The following TRPM7 variants were observed in gnomAD, a reference collection of about 807,000 sequenced individuals.
TRPM7 encodes transient receptor potential cation channel subfamily M member 7, also known as LTRPC ion channel family member 7.
TRPM7 carries 134 observed loss-of-function variants against 229.7 expected under a neutral mutation model. That is an observed-to-expected ratio of 0.58 (90% CI 0.51 to 0.67). The LOEUF (loss-of-function observed/expected upper bound fraction) is 0.67. Ranked by LOEUF, TRPM7 falls within the 30% of genes least tolerant of loss-of-function variation. The pLI is 0.00. For synonymous variants in TRPM7, 699 were observed against 715.2 expected, an observed-to-expected ratio of 0.98 and a Z score of 0.36; for missense variants, 1,901 against 2,210.0, an observed-to-expected ratio of 0.86 and a Z score of 2.80.
chr15:50,571,522 TA>T (rs1201334833), intron 36 of TRPM7, among the ~76,000 whole-genome samples: 1 of 149,228 alleles, frequency 6.7e-6, no homozygotes, highest in East Asian at 2.0e-4. Flanking sequence ...CGCAGCTTAC[TA>T]AAGAAATAAC....
chr15:50,647,289 C>T (rs922066181), intron 4 of TRPM7, among the ~76,000 whole-genome samples: 4 of 152,080 alleles, frequency 2.6e-5, no homozygotes, highest in Non-Finnish European at 5.9e-5. Context: ...TGCCACCACG[C>T]CCGACTAATT....
intron 1 of TRPM7, among the ~76,000 whole-genome samples, chr15:50,678,873 CAA>C (rs60481552): frequency 6.7e-6 from 1 of 150,288 alleles, no homozygotes. Context: ...TTTGCAAAAA[CAA>C]AAAAAAAAAT....
chr15:50,565,344 C>G (rs963065187), intron 38 of TRPM7, among the ~76,000 whole-genome samples: 2 of 151,588 alleles, frequency 1.3e-5, no homozygotes, highest in Non-Finnish European at 1.5e-5. Flanking sequence ...TACAAGAAAC[C>G]CACCTTAAAT....
chr15:50,672,581 A>G (rs1286596173), intron 1 of TRPM7, among the ~76,000 whole-genome samples: 1 of 152,066 alleles, frequency 6.6e-6, no homozygotes. Flanking sequence ...TTTGAACAAA[A>G]AGTTTAAAAA....
At chr15:50,613,230 G>A (rs570986331) in intron 15 of TRPM7, among the ~76,000 whole-genome samples, 4 of 152,228 alleles carry the variant, frequency 2.6e-5, no homozygotes, top group South Asian at 2.1e-4. Context: ...TACGCTGGGC[G>A]CGGTGGCCCA....
chr15:50,656,122 T>C (rs1201065739), intron 3 of TRPM7, among the ~76,000 whole-genome samples: 1 of 152,004 alleles, frequency 6.6e-6, no homozygotes. Flanking sequence ...TAGACCAAAC[T>C]GAGAAAATTC....
chr15:50,677,502 A>G (rs566403804), intron 1 of TRPM7, among the ~76,000 whole-genome samples: 15 of 152,200 alleles, frequency 9.9e-5, no homozygotes, highest in African/African-American at 3.6e-4. Flanking sequence ...GCACTTTGGG[A>G]GGCCAAGGCA....
chr15:50,645,202 G>C (rs2061227633), intron 4 of TRPM7, among the ~76,000 whole-genome samples: 1 of 149,474 alleles, frequency 6.7e-6, no homozygotes, highest in African/African-American at 2.5e-5. Context: ...ACCCAGCATG[G>C]TTAATTTTTT....
chr15:50,624,514 T>G (rs1029078364), intron 11 of TRPM7, among the ~76,000 whole-genome samples: 1 of 152,148 alleles, frequency 6.6e-6, no homozygotes, highest in Middle Eastern at 3.2e-3. Context: ...TAAAGAATAT[T>G]CCACAAACAC....
chr15:50,580,852 TG>T, intron 30 of TRPM7, 21 bp downstream of exon 30: 2 of 1,579,168 alleles, frequency 1.3e-6, no homozygotes, highest in Admixed American at 4.0e-5. Context: ...CGCAAGCTAA[TG>T]GTAAGAAAAA....
At chr15:50,566,686 C>A (rs554007446) in intron 38 of TRPM7, among the ~76,000 whole-genome samples, 8 of 152,000 alleles carry the variant, frequency 5.3e-5, no homozygotes, top group African/African-American at 2.4e-5. Flanking sequence ...CAGAGTGAGA[C>A]TCCATCTCAA....
intron 38 of TRPM7, among the ~76,000 whole-genome samples, chr15:50,565,844 G>C (rs1038635690): frequency 6.8e-5 from 10 of 147,694 alleles, no homozygotes; most frequent in Non-Finnish European, 1.3e-4. Flanking sequence ...TTTTTTTTGA[G>C]ACGGAGTCTT....
chr15:50,639,366 A>G (rs930262077), intron 6 of TRPM7, 58 bp downstream of exon 6: 5 of 1,372,310 alleles, frequency 3.6e-6, no homozygotes, highest in African/African-American at 1.5e-5. Context: ...CACTATTCTT[A>G]CTATAATTTT....
At chr15:50,681,803 T>A (rs2062244139) in intron 1 of TRPM7, among the ~76,000 whole-genome samples, 1 of 152,200 alleles carries the variant, frequency 6.6e-6, no homozygotes, top group South Asian at 2.1e-4. Flanking sequence ...AAACAGTGTT[T>A]CACAGACTTT....
At chr15:50,585,343 G>A (rs1051350021) in intron 28 of TRPM7, among the ~76,000 whole-genome samples, 4 of 152,192 alleles carry the variant, frequency 2.6e-5, no homozygotes, top group African/African-American at 7.2e-5. Context: ...GATTACAGGC[G>A]TAAGCCACCT....
intron 1 of TRPM7, among the ~76,000 whole-genome samples, chr15:50,682,364 G>A (rs866645023): frequency 2.0e-4 from 30 of 151,752 alleles, no homozygotes; most frequent in Middle Eastern, 6.8e-3. Context: ...CAGAGCATGA[G>A]GTCAAGAGAT....
intron 2 of TRPM7, 56 bp downstream of exon 2, chr15:50,662,911 A>G: frequency 1.6e-6 from 2 of 1,251,872 alleles, no homozygotes; most frequent in East Asian, 4.7e-5. Context: ...AGAAATAACA[A>G]TATAATTTAC....
At chr15:50,635,691 A>AAAAAG (rs2060880789) in intron 7 of TRPM7, among the ~76,000 whole-genome samples, 2 of 68,830 alleles carry the variant, frequency 2.9e-5, no homozygotes, top group African/African-American at 6.5e-5. Flanking sequence ...AAAAAAAAAA[A>AAAAAG]GAGGACGGCT....
In TRPM7 at chr15:50,609,583, T is replaced by C. The variant is rs760411532; in HGVS notation, c.2578A>G (p.Thr860Ala). The change falls in exon 19 of 39, where the codon ACG (threonine) becomes GCG (alanine). Residue 860 changes from threonine (T) to alanine (A), a missense_variant and splice_region_variant. Transcript: ENST00000646667. ...HAPIVKFWFN[T>A]LAYLGFLMLY... Reference sequence around the variant, plus strand: ...GCTTGTGTAATTTAAAAACATACCGTGTTAAACCAGAATTTTACAATTGGT... The same window carrying C: ...GCTTGTGTAATTTAAAAACATACCGCGTTAAACCAGAATTTTACAATTGGT... 2.5e-6 allele frequency: 4 copies of C among 1,602,198 alleles called. No individual in the cohort carries two copies. Among genetic ancestry groups the C allele is most frequent in the Non-Finnish European group, 3.4e-6 (4 of 1,176,836 alleles).
Sources: gnomAD v4.1 joint callset for allele counts (sites outside exome capture counted in the v4.1 genomes callset) on GRCh38, gnomAD v4.1.1 for gene constraint, MANE v1.5 for transcripts, NCBI Gene and HGNC (gene_info 2026-07-23, HGNC 2026-07-21) for gene names.